The following ACAN variants were observed in gnomAD, a reference collection of about 807,000 sequenced individuals.
ACAN encodes aggrecan, also known as aggrecan core protein.
A neutral mutation model predicts 169.1 loss-of-function variants in ACAN; 47 were observed. That is an observed-to-expected ratio of 0.28 (90% CI 0.22 to 0.35). The LOEUF (loss-of-function observed/expected upper bound fraction) is 0.35, where lower values mean the gene tolerates loss of function less well. Ranked by LOEUF, ACAN falls within the 10% of genes least tolerant of loss-of-function variation. The pLI, the probability that ACAN is intolerant of heterozygous loss-of-function variation, is 1.00. For missense variants in ACAN, 2,716 were observed against 2,759.9 expected, an observed-to-expected ratio of 0.98 and a Z score of 0.36; for synonymous variants, 1,115 against 1,112.2, an observed-to-expected ratio of 1.00 and a Z score of -0.05.
intron 1 of ACAN, among the ~76,000 whole-genome samples, chr15:88,817,826 AC>A (rs530549318): frequency 9.5e-4 from 135 of 141,490 alleles, no homozygotes; most frequent in Admixed American, 3.8e-3. Flanking sequence ...TGCACTCCAG[AC>A]TGCGCAACAG....
Position 88,811,864 on chromosome 15 carries a change from A to G in ACAN, c.-8+8055A>G, listed in dbSNP as rs547107874. 3.9e-5 allele frequency among the ~76,000 whole-genome samples: 6 copies of G among 152,184 alleles called. No individual in the cohort carries two copies. In the South Asian group the frequency reaches 1.2e-3, roughly 32 times the overall value. On this transcript the variant is annotated intron_variant, in intron 1 of 18. Transcript: ENST00000560601. ...TGACTTCACTGCCCCATCCATGGGC[A>G]TCACCCCCACCCCAGACTCACGTGA...
rs1897277631 is a variant in ACAN at position 88,866,166 on chromosome 15, T to C, written c.6947-2050T>C. Among the ~76,000 whole-genome samples the C allele has an allele frequency of 6.6e-6, 1 of 152,166 alleles. No individual in the cohort carries two copies. The highest frequency in any genetic ancestry group is 2.4e-5 in the African/African-American group (1 of 41,446). On this transcript the variant is annotated intron_variant, in intron 13 of 18. Coordinates refer to ENST00000560601, the MANE Select transcript of ACAN (RefSeq NM_001369268.1). This position sits in a 1 kb window ranked among gnomAD's most constrained non-coding sequence, Gnocchi z 5.6. Reference sequence around the variant, plus strand: ...TTATGCGACCAGCCTCTGAGACAACTGGATACCCCCCAGCCTGACCTCCGC... The same window carrying C: ...TTATGCGACCAGCCTCTGAGACAACCGGATACCCCCCAGCCTGACCTCCGC...
chr15:88,804,550 G>A (rs929751780), intron 1 of ACAN, among the ~76,000 whole-genome samples: 1 of 152,180 alleles, frequency 6.6e-6, no homozygotes, highest in Non-Finnish European at 1.5e-5. Context: ...ACACGACCAC[G>A]AGCGGTTTTT....
Position 88,814,310 on chromosome 15 carries a change from A to C in ACAN, c.-8+10501A>C, listed in dbSNP as rs968581468. Among the ~76,000 whole-genome samples the C allele has an allele frequency of 6.6e-6, 1 of 152,240 alleles. No homozygotes were observed. The highest frequency in any genetic ancestry group is 1.5e-5 in the Non-Finnish European group (1 of 68,034). Reference sequence around the variant, plus strand: ...AAAACAGTAACTGCTGTAAATCATGAACATTCCCAGACCCGTTCCTGGTAT... The same window carrying C: ...AAAACAGTAACTGCTGTAAATCATGCACATTCCCAGACCCGTTCCTGGTAT... On this transcript the variant is annotated intron_variant, in intron 1 of 18. Coordinates refer to ENST00000560601, the MANE Select transcript of ACAN (RefSeq NM_001369268.1). The surrounding 1 kb of genome is among the most constrained non-coding windows in gnomAD (Gnocchi z 4.0).
chr15:88,849,347 G>A lies in ACAN; in HGVS notation c.1733-91G>A. Reference sequence around the variant, plus strand: ...TGGGCTGGGTCTTAGCCCTGGTGAGGAGGGTTAGAGGAACTCTGTCCTGGG... The same window carrying A: ...TGGGCTGGGTCTTAGCCCTGGTGAGAAGGGTTAGAGGAACTCTGTCCTGGG... On this transcript the variant is annotated intron_variant, in intron 9 of 18. Transcript: ENST00000560601. The surrounding 1 kb of genome is among the most constrained non-coding windows in gnomAD (Gnocchi z 5.1). 7.7e-7 allele frequency: 1 copy of A among 1,298,214 alleles called. No individual in the cohort carries two copies. Among genetic ancestry groups the A allele is most frequent in the South Asian group, 1.6e-5 (1 of 64,208 alleles). 80.4% of individuals were successfully genotyped at this position (1,298,214 alleles called of 1,614,324 possible).
rs1299220944 is a variant in ACAN at position 88,859,343 on chromosome 15, C to A, written c.6758C>A (p.Thr2253Lys). 1.2e-6 allele frequency: 2 copies of A among 1,601,440 alleles called. No homozygotes were observed. The highest frequency in any genetic ancestry group is 3.5e-5 in the Admixed American group (2 of 57,640). The change falls in exon 12 of 19, where the codon ACA (threonine) becomes AAA (lysine). Residue 2253 changes from threonine (T) to lysine (K), a missense_variant. By Grantham distance (78) the Thr-to-Lys change is moderately conservative. Around this residue, in one of 3 missense-constraint regions of ACAN, gnomAD observed 1,389 missense variants for 1,363.7 expected, o/e 1.02. Transcript: ENST00000560601. Reference sequence around the variant, plus strand: ...GGAGAAGAGACTCACACAGTCGAAACAGCCACCTCCCCAACAGATGCTTCC... The same window carrying A: ...GGAGAAGAGACTCACACAGTCGAAAAAGCCACCTCCCCAACAGATGCTTCC... ...YSGEETHTVE[T>K]ATSPTDASIP...
At position 88,834,427 on chromosome 15, in the gene ACAN, C is replaced by T. The variant is rs1345938709; in HGVS notation, c.-7-1773C>T. Among the ~76,000 whole-genome samples, 3 of 152,250 alleles carry T rather than the reference C, an allele frequency of 2.0e-5. No individual in the cohort carries two copies. The East Asian group carries it at 5.8e-4, about 29-fold the overall frequency. On this transcript the variant is annotated intron_variant, in intron 1 of 18. Coordinates refer to ENST00000560601, the MANE Select transcript of ACAN (RefSeq NM_001369268.1). ...CACCAGTGCCCTCCCAACACCCCTC[C>T]TGAGCCTAGGGACTCCTGGGGTGCC...
Position 88,854,578 on chromosome 15 carries a change from C to T in ACAN, c.2267-274C>T, listed in dbSNP as rs1046828650. Among the ~76,000 whole-genome samples, 3 of 152,282 alleles carry T rather than the reference C, an allele frequency of 2.0e-5. No homozygotes were observed. The South Asian group carries it at 6.2e-4, about 32-fold the overall frequency. ...CCTGTGTAGCCCATGGCCCTGTGGG[C>T]ACCTGGGGGAGCTTCCCAGTTCCCT... On this transcript the variant is annotated intron_variant, in intron 11 of 18. Transcript: ENST00000560601.
intron 7 of ACAN, 124 bp from the exon 8 acceptor site, chr15:88,847,117 GCC>G: frequency 9.2e-7 from 1 of 1,081,170 alleles, no homozygotes; most frequent in Admixed American, 3.0e-5. Flanking sequence ...TGGGATTTCA[GCC>G]TGCATTGCCC....
intron 1 of ACAN, among the ~76,000 whole-genome samples, chr15:88,821,149 T>G (rs1896065909): frequency 1.3e-5 from 2 of 152,214 alleles, no homozygotes; most frequent in Non-Finnish European, 2.9e-5. Context: ...TTATGGGAAC[T>G]ACAACTGAAA....
intron 1 of ACAN, among the ~76,000 whole-genome samples, chr15:88,821,046 T>G (rs1263826709): frequency 6.6e-6 from 1 of 152,156 alleles, no homozygotes; most frequent in East Asian, 1.9e-4. Context: ...TCAGACTTCA[T>G]GAGAACTCAT....
Position 88,839,125 on chromosome 15 carries a change from A to G in ACAN, c.454+79A>G, listed in dbSNP as rs1896585018. On this transcript the variant is annotated intron_variant, in intron 3 of 18. Transcript: ENST00000560601. The surrounding 1 kb of genome is among the most constrained non-coding windows in gnomAD (Gnocchi z 4.5). ...CAGTCTCCGCAGTGCAGGCGCAGGC[A>G]GGCTGGCCTTCAAACCAGCTCCTCC... The G allele has an allele frequency of 6.5e-7, 1 of 1,542,588 alleles. No individual in the cohort carries two copies. Among genetic ancestry groups the G allele is most frequent in the African/African-American group, 1.4e-5 (1 of 73,564 alleles).
Position 88,868,087 on chromosome 15 carries a change from G to A in ACAN, c.6947-129G>A. 1 of 621,334 alleles carries A rather than the reference G, an allele frequency of 1.6e-6. No individual in the cohort carries two copies. Among genetic ancestry groups the A allele is most frequent in the South Asian group, 1.9e-5 (1 of 52,568 alleles). The allele number at this position is 621,334 out of a possible 1,614,324, so 38.5% of individuals were successfully genotyped here. A position where few individuals can be genotyped will look rare whatever the true frequency, so the allele number is the denominator to read the frequency against. On this transcript the variant is annotated intron_variant, in intron 13 of 18. Coordinates refer to ENST00000560601, the MANE Select transcript of ACAN (RefSeq NM_001369268.1). The surrounding 1 kb of genome is among the most constrained non-coding windows in gnomAD (Gnocchi z 5.2). Reference sequence around the variant, plus strand: ...GCAGCAGCAGCAGCAACAGTTCTCAGGAAAACCAGCCAGTTCCCTCCCAGG... The same window carrying A: ...GCAGCAGCAGCAGCAACAGTTCTCAAGAAAACCAGCCAGTTCCCTCCCAGG...
intron 13 of ACAN, among the ~76,000 whole-genome samples, chr15:88,863,116 C>T (rs2035142223): frequency 6.6e-6 from 1 of 152,040 alleles, no homozygotes; most frequent in African/African-American, 2.4e-5. Flanking sequence ...AAACTTCCAC[C>T]TGGTCAAGGG....
At chr15:88,847,055 G>T (rs1896807941) in intron 7 of ACAN, among the ~76,000 whole-genome samples, 188 bp from the exon 8 acceptor site, 1 of 152,230 alleles carries the variant, frequency 6.6e-6, no homozygotes, top group African/African-American at 2.4e-5. Context: ...CCCACGCAGG[G>T]GAGGGGCAGA....
Position 88,807,705 on chromosome 15 carries a change from G to T in ACAN, c.-8+3896G>T, listed in dbSNP as rs1382545802. ...ATCCAGGGCAAGAACGGAAACGGTGGAGTTTACTTTTAAAAACTCAGAGCC... is the reference window on the plus strand; with the variant it reads ...ATCCAGGGCAAGAACGGAAACGGTGTAGTTTACTTTTAAAAACTCAGAGCC... On this transcript the variant is annotated intron_variant, in intron 1 of 18. Transcript: ENST00000560601. The surrounding 1 kb of genome is among the most constrained non-coding windows in gnomAD (Gnocchi z 4.0). 6.6e-6 allele frequency among the ~76,000 whole-genome samples: 1 copy of T among 151,266 alleles called. No individual in the cohort carries two copies. Among genetic ancestry groups the T allele is most frequent in the Admixed American group, 6.6e-5 (1 of 15,194 alleles).
In ACAN at chr15:88,836,202, G is replaced by T. The variant is rs759649540; in HGVS notation, c.-5G>T. 1 of 1,613,128 alleles carries T rather than the reference G, an allele frequency of 6.2e-7. No homozygotes were observed. The highest frequency in any genetic ancestry group is 8.5e-7 in the Non-Finnish European group (1 of 1,179,414). ...CGCCTCTGCCTCCCCTCTTCCAGGT[G>T]AACTATGACCACTTTACTCTGGGTT... On this transcript the variant is annotated splice_region_variant and 5_prime_UTR_variant, in exon 2 of 19. Coordinates refer to ENST00000560601, the MANE Select transcript of ACAN (RefSeq NM_001369268.1).
At position 88,859,020 on chromosome 15, in the gene ACAN, T is replaced by C. The variant is rs781209235; in HGVS notation, c.6435T>C (p.Ser2145=). The C allele has an allele frequency of 4.3e-6, 7 of 1,613,870 alleles. No homozygotes were observed. Among genetic ancestry groups the C allele is most frequent in the East Asian group, 4.5e-5 (2 of 44,894 alleles). Residue 2145 remains serine (S), a synonymous_variant, in exon 12 of 19, where the codon TCT becomes TCC. Coordinates refer to ENST00000560601, the MANE Select transcript of ACAN (RefSeq NM_001369268.1). Reference sequence around the variant, plus strand: ...ACGAAGCTAACCTTGAGAGATCCTCTGGCCTAGGAGTGAGCGGCAGCACTT... The same window carrying C: ...ACGAAGCTAACCTTGAGAGATCCTCCGGCCTAGGAGTGAGCGGCAGCACTT... ...AFHEANLERS[S]GLGVSGSTLT...
chr15:88,862,063 C>T (rs753508594), intron 13 of ACAN, among the ~76,000 whole-genome samples: 8 of 152,178 alleles, frequency 5.3e-5, no homozygotes, highest in Non-Finnish European at 7.3e-5. Flanking sequence ...CCTTAATTCA[C>T]GTGTTTAACA....
Sources: gnomAD v4.1 joint callset for allele counts (sites outside exome capture counted in the v4.1 genomes callset) on GRCh38, gnomAD v4.1.1 for gene constraint, gnomAD v4.1.1 regional missense constraint, Gnocchi (gnomAD v3.1) non-coding constraint, MANE v1.5 for transcripts, NCBI Gene and HGNC (gene_info 2026-07-23, HGNC 2026-07-21) for gene names.